Variants in GSE1 observed in about 807,000 individuals in gnomAD.
GSE1 encodes genetic suppressor element 1.
In GSE1, 32 loss-of-function variants were observed where a neutral mutation model predicts 112.6. The ratio of observed to expected loss-of-function variants is 0.28; its 90% CI spans 0.21 to 0.38. The LOEUF (loss-of-function observed/expected upper bound fraction) is 0.38. Ranked by LOEUF, GSE1 falls within the 10% of genes least tolerant of loss-of-function variation. The pLI is 1.00. For synonymous variants in GSE1, 1,115 were observed against 735.6 expected (o/e 1.52, Z -8.35); for missense variants, 2,348 against 1,699.2 (o/e 1.38, Z -6.71).
intron 1 of GSE1, among the ~76,000 whole-genome samples, chr16:85,348,995 C>G (rs527909994): frequency 1.3e-5 from 2 of 152,102 alleles, no homozygotes; most frequent in Admixed American, 6.5e-5. Context: ...GCGCTGCAGC[C>G]GGAGCGGCCC....
intron 13 of GSE1, among the ~76,000 whole-genome samples, chr16:85,667,920 C>G (rs1247434092): frequency 6.6e-6 from 1 of 151,538 alleles, no homozygotes; most frequent in African/African-American, 2.4e-5. Flanking sequence ...CCAGAATCAA[C>G]TAGCACTCAG....
At chr16:85,238,116 G>A (rs1273593786) in intron 1 of GSE1, among the ~76,000 whole-genome samples, 2 of 152,204 alleles carry the variant, frequency 1.3e-5, no homozygotes, top group Admixed American at 6.5e-5. Context: ...GGCCTGTGGT[G>A]CTGTTGGACC....
In GSE1 at chr16:85,646,217, C is replaced by T. The variant is rs1312735901; in HGVS notation, c.227-2335C>T. The stretch of plus-strand genomic sequence containing the variant: ...CCACGCTTCCTATGCATGCATTCTA[C>T]CTGCTTCTACCACGCATTCTACCTG... On this transcript the variant is annotated intron_variant, in intron 2 of 15. Transcript: ENST00000253458. Among the ~76,000 whole-genome samples the T allele has an allele frequency of 4.8e-5, 7 of 145,480 alleles. No individual in the cohort carries two copies. The South Asian group carries it at 8.3e-4, about 17-fold the overall frequency.
At chr16:85,567,426 C>T (rs1416645926) in intron 1 of GSE1, among the ~76,000 whole-genome samples, 1 of 152,170 alleles carries the variant, frequency 6.6e-6, no homozygotes, top group African/African-American at 2.4e-5. Flanking sequence ...GTGCAGAGTC[C>T]CGAGTCGTCT....
chr16:85,665,924 C>T (rs897950412), intron 12 of GSE1, 52 bp from the exon 13 acceptor site: 1 of 1,580,500 alleles, frequency 6.3e-7, no homozygotes, highest in Non-Finnish European at 8.7e-7. Flanking sequence ...GCTGGACACT[C>T]AGCCTGTTAA....
At chr16:85,302,911 G>T (rs1287674142) in intron 1 of GSE1, among the ~76,000 whole-genome samples, 1 of 152,216 alleles carries the variant, frequency 6.6e-6, no homozygotes, top group East Asian at 1.9e-4. Flanking sequence ...CCAACGGGGT[G>T]CTCAGTGGGT....
At chr16:85,640,018 G>A (rs981191017) in intron 2 of GSE1, among the ~76,000 whole-genome samples, 3 of 152,186 alleles carry the variant, frequency 2.0e-5, no homozygotes, top group African/African-American at 4.8e-5. Flanking sequence ...GGAGGCCGGC[G>A]CTTTGGGAAC....
intron 1 of GSE1, among the ~76,000 whole-genome samples, chr16:85,254,475 A>AC (rs201804934): frequency 5.3e-5 from 8 of 150,582 alleles, no homozygotes; most frequent in South Asian, 4.2e-4. Flanking sequence ...CTTTAGCATG[A>AC]CCCCCCCACT....
chr16:85,254,350 C>T (rs191193285), intron 1 of GSE1, among the ~76,000 whole-genome samples: 6 of 152,326 alleles, frequency 3.9e-5, no homozygotes, highest in Admixed American at 3.3e-4. Flanking sequence ...AGACCTGGTT[C>T]TCCTGGCTGT....
At chr16:85,559,166 C>T (rs2045394800) in intron 1 of GSE1, among the ~76,000 whole-genome samples, 2 of 152,222 alleles carry the variant, frequency 1.3e-5, no homozygotes, top group South Asian at 4.1e-4. Flanking sequence ...TGGCCTGGTC[C>T]TCTTGAGTGC....
intron 1 of GSE1, among the ~76,000 whole-genome samples, chr16:85,628,112 C>T (rs1457119402): frequency 6.6e-6 from 1 of 152,228 alleles, no homozygotes; most frequent in Non-Finnish European, 1.5e-5. Flanking sequence ...TCTCGGGGTT[C>T]CCCGGCTCTT....
intron 1 of GSE1, among the ~76,000 whole-genome samples, chr16:85,560,947 G>T (rs529019630): frequency 6.6e-6 from 1 of 152,190 alleles, no homozygotes; most frequent in East Asian, 1.9e-4. Context: ...TGGGCAACAT[G>T]GTAAGAACCC....
chr16:85,284,330 G>A (rs1039635112), intron 1 of GSE1, among the ~76,000 whole-genome samples: 1 of 152,220 alleles, frequency 6.6e-6, no homozygotes, highest in Admixed American at 6.5e-5. Context: ...AGAGCAGGCC[G>A]AGGGAAAGAG....
In GSE1 at chr16:85,673,598, C is replaced by CTATGCGATCACTTCAT. The variant is rs1315914793; in HGVS notation, c.*1061_*1076dup. 1 of 152,154 alleles carries CTATGCGATCACTTCAT rather than the reference C, an allele frequency of 6.6e-6. No individual in the cohort carries two copies. Among genetic ancestry groups the CTATGCGATCACTTCAT allele is most frequent in the African/African-American group, 2.4e-5 (1 of 41,420 alleles). The allele number at this position is 152,154 out of a possible 1,614,324, so 9.4% of individuals were successfully genotyped here. A position where few individuals can be genotyped will look rare whatever the true frequency, so the allele number is the denominator to read the frequency against. ...AAGTAAAAGAGCTTACCACTGGCGC[C>CTATGCGATCACTTCAT]TATGCGATCACTTCATTTTTAGTTT... On this transcript the variant is annotated 3_prime_UTR_variant, in exon 16 of 16. Transcript: ENST00000253458.
At chr16:85,213,324 C>T (rs973587731) in intron 1 of GSE1, among the ~76,000 whole-genome samples, 1 of 151,228 alleles carries the variant, frequency 6.6e-6, no homozygotes, top group Non-Finnish European at 1.5e-5. Flanking sequence ...CATGCGTCTG[C>T]ATTCCCAGCT....
intron 2 of GSE1, among the ~76,000 whole-genome samples, chr16:85,366,942 G>T (rs549807512): frequency 5.9e-5 from 9 of 152,362 alleles, no homozygotes; most frequent in South Asian, 4.1e-4. Flanking sequence ...CTGTTCTGGA[G>T]CTTAGGGTGG....
intron 2 of GSE1, among the ~76,000 whole-genome samples, chr16:85,426,425 GA>G (rs2048990255): frequency 9.3e-6 from 1 of 107,772 alleles, no homozygotes; most frequent in Non-Finnish European, 2.0e-5. Context: ...TGAGTGAATG[GA>G]TGAATGGGTG....
At chr16:85,518,362 C>A (rs1009635755) in intron 2 of GSE1, among the ~76,000 whole-genome samples, 10 of 152,168 alleles carry the variant, frequency 6.6e-5, no homozygotes, top group Non-Finnish European at 1.5e-4. Context: ...GGTGCCCTGA[C>A]CGCGTGGCCG....
intron 2 of GSE1, among the ~76,000 whole-genome samples, chr16:85,449,592 T>A (rs1347616694): frequency 1.3e-5 from 2 of 152,264 alleles, no homozygotes; most frequent in African/African-American, 4.8e-5. Flanking sequence ...TCCTGCCCTC[T>A]CTTCCGGAAT....
Sources: gnomAD v4.1 joint callset for allele counts (sites outside exome capture counted in the v4.1 genomes callset) on GRCh38, gnomAD v4.1.1 for gene constraint, MANE v1.5 for transcripts, NCBI Gene and HGNC (gene_info 2026-07-23, HGNC 2026-07-21) for gene names.